Variants in FOXK1 observed in about 807,000 individuals in gnomAD.
FOXK1 encodes the protein forkhead box protein K1.
In FOXK1, 19 loss-of-function variants were observed where a neutral mutation model predicts 51.9. The observed-to-expected ratio is 0.37, with a 90% CI of 0.26 to 0.54. The LOEUF (loss-of-function observed/expected upper bound fraction) is 0.54, where lower values mean the gene tolerates loss of function less well. Ranked by LOEUF, FOXK1 falls within the 20% of genes least tolerant of loss-of-function variation. The pLI, the probability that FOXK1 is intolerant of heterozygous loss-of-function variation, is 0.87. For missense variants in FOXK1, 870 were observed against 1,032.7 expected, an observed-to-expected ratio of 0.84 and a Z score of 2.16; for synonymous variants, 537 against 482.6, an observed-to-expected ratio of 1.11 and a Z score of -1.48.
rs1466243970 is a variant in FOXK1 at position 4,734,203 on chromosome 7, G to T, written c.561-6635G>T. Among the ~76,000 whole-genome samples, 1 of 152,218 alleles carries T rather than the reference G, an allele frequency of 6.6e-6. No individual in the cohort carries two copies. The highest frequency in any genetic ancestry group is 1.5e-5 in the Non-Finnish European group (1 of 68,028). On this transcript the variant is annotated intron_variant, in intron 1 of 8. Transcript: ENST00000328914. The surrounding 1 kb of genome is among the most constrained non-coding windows in gnomAD (Gnocchi z 5.2). The stretch of plus-strand genomic sequence containing the variant: ...GAGCTCCTGAGAAGGAGCGGCTTGT[G>T]TGGGGTGACTCTATCTCAAGCCGTA...
chr7:4,695,660 G>A (rs1779942161), intron 1 of FOXK1, among the ~76,000 whole-genome samples: 2 of 152,208 alleles, frequency 1.3e-5, no homozygotes, highest in South Asian at 2.1e-4. Context: ...AAATTAGCCA[G>A]GCGTGGTGGC....
chr7:4,683,343 C>T lies in FOXK1; in HGVS notation c.560+475C>T, dbSNP rs1158090510. ...CTGGACTCCGGGGTCATTCTGAACT[C>T]CCACTGGCCTGGATCCCTGGGGTCA... On this transcript the variant is annotated intron_variant, in intron 1 of 8. Transcript: ENST00000328914. This position sits in a 1 kb window ranked among gnomAD's most constrained non-coding sequence, Gnocchi z 4.5. 3.9e-5 allele frequency among the ~76,000 whole-genome samples: 6 copies of T among 151,992 alleles called. No individual in the cohort carries two copies. Among genetic ancestry groups the T allele is most frequent in the Non-Finnish European group, 8.8e-5 (6 of 67,966 alleles).
intron 1 of FOXK1, among the ~76,000 whole-genome samples, chr7:4,726,171 T>C (rs1780378954): frequency 6.6e-6 from 1 of 152,154 alleles, no homozygotes; most frequent in African/African-American, 2.4e-5. Context: ...GATAGGAATG[T>C]CTATGCAGTG....
At chr7:4,692,379 C>T (rs748048160) in intron 1 of FOXK1, among the ~76,000 whole-genome samples, 1 of 152,144 alleles carries the variant, frequency 6.6e-6, no homozygotes, top group Non-Finnish European at 1.5e-5. Context: ...TAAAACCTGA[C>T]AAGGGGTAGT....
intron 2 of FOXK1, among the ~76,000 whole-genome samples, chr7:4,742,895 T>A (rs1192517268): frequency 6.6e-6 from 1 of 152,208 alleles, no homozygotes; most frequent in Non-Finnish European, 1.5e-5. Flanking sequence ...GTCTCCTTTT[T>A]TCCAGAGCCA....
At position 4,711,609 on chromosome 7, in the gene FOXK1, G is replaced by A. The variant is rs569789677; in HGVS notation, c.560+28741G>A. ...GTGGGTCTCAAGAGTGCCACTCCTC[G>A]GCATTGTGTGGATGGGCGGTAGTGA... is the stretch of plus-strand genomic sequence containing the variant. On this transcript the variant is annotated intron_variant, in intron 1 of 8. Transcript: ENST00000328914. This position sits in a 1 kb window ranked among gnomAD's most constrained non-coding sequence, Gnocchi z 6.3. Among the ~76,000 whole-genome samples the A allele has an allele frequency of 7.9e-5, 12 of 152,272 alleles. No individual in the cohort carries two copies. Among genetic ancestry groups the A allele is most frequent in the Admixed American group, 2.6e-4 (4 of 15,290 alleles).
rs1222549341 is a variant in FOXK1, at chr7:4,740,982, G to A, written c.705G>A (p.Arg235=). 8.3e-6 allele frequency: 13 copies of A among 1,560,578 alleles called. No individual in the cohort carries two copies. Among genetic ancestry groups the A allele is most frequent in the Non-Finnish European group, 1.1e-5 (13 of 1,158,558 alleles). Residue 235 remains arginine, a synonymous_variant, in exon 2 of 9, where the codon CGG becomes CGA. Transcript: ENST00000328914. ...TCCACATCCCGGAGCCGGACCTCCG[G>A]AGCATGGTCAGCCCCGTCCCCTCCC... The part of the protein sequence containing the change: ...LKIHIPEPDL[R]SMVSPVPSPT...
At chr7:4,705,778 C>CA (rs202180152) in intron 1 of FOXK1, among the ~76,000 whole-genome samples, 2,190 of 149,072 alleles carry the variant, frequency 0.015, 73 homozygotes, top group African/African-American at 0.052. Context: ...ACCTCGTGAC[C>CA]CCCCCCCGCC....
intron 1 of FOXK1, among the ~76,000 whole-genome samples, chr7:4,737,552 C>CGTGTGTG (rs1780570317): frequency 1.2e-4 from 18 of 148,986 alleles, no homozygotes; most frequent in African/African-American, 4.4e-4. Context: ...GTGTGCGTGC[C>CGTGTGTG]TGTGTGTGTG....
rs180940698 is a variant in FOXK1, at chr7:4,712,981, T to C, written c.561-27857T>C. 1.7e-3 allele frequency among the ~76,000 whole-genome samples: 265 copies of C among 152,292 alleles called. 1 individual carries two copies. Among genetic ancestry groups the C allele is most frequent in the Admixed American group, 4.9e-3 (75 of 15,294 alleles). On this transcript the variant is annotated intron_variant, in intron 1 of 8. Coordinates refer to ENST00000328914, the MANE Select transcript of FOXK1 (RefSeq NM_001037165.2). The stretch of plus-strand genomic sequence containing the variant: ...AACGAGATTTCATTTTTAAAATACA[T>C]TAAAGAGGGGCGATAATGACCAGTG...
Position 4,768,712 on chromosome 7 carries a change from C to T in FOXK1, c.*6248C>T, listed in dbSNP as rs1046630443. 3 of 152,704 alleles carry T rather than the reference C, an allele frequency of 2.0e-5. No individual in the cohort carries two copies. In the East Asian group the frequency reaches 5.7e-4, roughly 29 times the overall value. The allele number at this position is 152,704 out of a possible 1,614,324, so 9.5% of individuals were successfully genotyped here. On this transcript the variant is annotated 3_prime_UTR_variant, in exon 9 of 9. Coordinates refer to ENST00000328914, the MANE Select transcript of FOXK1 (RefSeq NM_001037165.2). ...TTTCCTGGAGGTGGGTGAGAAGGCT[C>T]TCCGGGCAAATCAGAAGGCCACGAG...
chr7:4,694,405 C>G (rs1779928196), intron 1 of FOXK1, among the ~76,000 whole-genome samples: 1 of 152,174 alleles, frequency 6.6e-6, no homozygotes, highest in African/African-American at 2.4e-5. Flanking sequence ...TCCCTTCTCA[C>G]TATAAATCAC....
rs1305502839 is a variant in FOXK1 at position 4,730,035 on chromosome 7, C to T, written c.561-10803C>T. Among the ~76,000 whole-genome samples, 3 of 152,138 alleles carry T rather than the reference C, an allele frequency of 2.0e-5. No individual in the cohort carries two copies. Among genetic ancestry groups the T allele is most frequent in the African/African-American group, 4.8e-5 (2 of 41,416 alleles). On this transcript the variant is annotated intron_variant, in intron 1 of 8. Coordinates refer to ENST00000328914, the MANE Select transcript of FOXK1 (RefSeq NM_001037165.2). The surrounding 1 kb of genome is among the most constrained non-coding windows in gnomAD (Gnocchi z 4.7). ...GAAAAGGAAAAAGAAAGCCCGGCTT[C>T]GGTCAGACCGTTGTCTGCGTTTTTC... is the stretch of plus-strand genomic sequence containing the variant.
In FOXK1 at chr7:4,761,078, C is replaced by G. The variant is rs149221532; in HGVS notation, c.1711C>G (p.Pro571Ala). 1.4e-3 allele frequency: 2,264 copies of G among 1,612,164 alleles called. 4 individuals are homozygous for G. Among genetic ancestry groups the G allele is most frequent in the Non-Finnish European group, 1.8e-3 (2,102 of 1,179,140 alleles). ...CTGTCCCGCAGGCCTGGAGGAGAAA[C>G]CCACCATTGCGTTTGCCACAATCCC... ...GSEARGLEEKPTIAFATIPAA... is the reference protein window; with the variant it reads ...GSEARGLEEKATIAFATIPAA... Residue 571 changes from proline (P) to alanine (A), a missense_variant, in exon 8 of 9, where the codon CCC (proline) becomes GCC (alanine). This residue lies in a region of FOXK1 where 457 missense variants were observed against 510.8 expected (regional missense o/e 0.89). Transcript: ENST00000328914. This position sits in a 1 kb window ranked among gnomAD's most constrained non-coding sequence, Gnocchi z 6.2.
Position 4,758,400 on chromosome 7 carries a change from G to C in FOXK1, c.1245-651G>C, listed in dbSNP as rs542664535. 6.6e-6 allele frequency: 1 copy of C among 152,320 alleles called. No homozygotes were observed. The highest frequency in any genetic ancestry group is 2.4e-5 in the African/African-American group (1 of 41,452). 9.4% of individuals were successfully genotyped at this position (152,320 alleles called of 1,614,324 possible). A position where few individuals can be genotyped will look rare whatever the true frequency, so the allele number is the denominator to read the frequency against. On this transcript the variant is annotated intron_variant, in intron 5 of 8. Coordinates refer to ENST00000328914, the MANE Select transcript of FOXK1 (RefSeq NM_001037165.2). This position sits in a 1 kb window ranked among gnomAD's most constrained non-coding sequence, Gnocchi z 4.4. ...ATCAGATGAGCCCGTCCCAGGTGTC[G>C]AGGAGGAGATCTCCTGAGCGGCAGT...
Position 4,745,380 on chromosome 7 carries a change from C to T in FOXK1, c.746+4357C>T, listed in dbSNP as rs897525456. Among the ~76,000 whole-genome samples the T allele has an allele frequency of 6.6e-6, 1 of 152,140 alleles. No homozygotes were observed. The highest frequency in any genetic ancestry group is 2.4e-5 in the African/African-American group (1 of 41,422). Reference sequence around the variant, plus strand: ...CCTGATCAGCTGCCCCTGCCCCCGCCCCCCGCGCCACCCTGCGTCCTTCCT... The same window carrying T: ...CCTGATCAGCTGCCCCTGCCCCCGCTCCCCGCGCCACCCTGCGTCCTTCCT... On this transcript the variant is annotated intron_variant, in intron 2 of 8. Transcript: ENST00000328914. This position sits in a 1 kb window ranked among gnomAD's most constrained non-coding sequence, Gnocchi z 4.3.
chr7:4,714,666 C>G (rs1413223742), intron 1 of FOXK1, among the ~76,000 whole-genome samples: 2 of 152,192 alleles, frequency 1.3e-5, no homozygotes, highest in Non-Finnish European at 2.9e-5. Flanking sequence ...TTTGTTTTTT[C>G]AAGGCTCATC....
In FOXK1 at chr7:4,770,151, T is replaced by G. The variant is rs1291729359; in HGVS notation, c.*7687T>G. On this transcript the variant is annotated 3_prime_UTR_variant, in exon 9 of 9. Coordinates refer to ENST00000328914, the MANE Select transcript of FOXK1 (RefSeq NM_001037165.2). ...TCTCTGCATGAAGTTCACAGGCCTG[T>G]ATGGATGTTAAATTGTGTCTATAGC... 6.6e-6 allele frequency: 1 copy of G among 152,172 alleles called. No individual in the cohort carries two copies. The highest frequency in any genetic ancestry group is 1.5e-5 in the Non-Finnish European group (1 of 68,048). The allele number at this position is 152,172 out of a possible 1,614,324, so 9.4% of individuals were successfully genotyped here.
chr7:4,758,983 T>C lies in FOXK1; in HGVS notation c.1245-68T>C. 6.7e-7 allele frequency: 1 copy of C among 1,488,514 alleles called. No homozygotes were observed. Among genetic ancestry groups the C allele is most frequent in the Non-Finnish European group, 9.0e-7 (1 of 1,116,544 alleles). The allele number at this position is 1,488,514 out of a possible 1,614,324, so 92.2% of individuals were successfully genotyped here. ...CGGGTGACGGCGCTGAGATGCGTGA[T>C]GTCTCGGAAACGTCCTCGCATCCCT... On this transcript the variant is annotated intron_variant, in intron 5 of 8. Coordinates refer to ENST00000328914, the MANE Select transcript of FOXK1 (RefSeq NM_001037165.2). This position sits in a 1 kb window ranked among gnomAD's most constrained non-coding sequence, Gnocchi z 4.4.
Sources: gnomAD v4.1 joint callset for allele counts (sites outside exome capture counted in the v4.1 genomes callset) on GRCh38, gnomAD v4.1.1 for gene constraint, gnomAD v4.1.1 regional missense constraint, Gnocchi (gnomAD v3.1) non-coding constraint, MANE v1.5 for transcripts, NCBI Gene and HGNC (gene_info 2026-07-23, HGNC 2026-07-21) for gene names.